Variants in EPC1 observed in about 807,000 individuals in gnomAD.
EPC1 encodes the protein enhancer of polycomb 1, also known as enhancer of polycomb homolog 1.
In EPC1, 12 loss-of-function variants were observed where a neutral mutation model predicts 98.4. That is an observed-to-expected ratio of 0.12 (90% CI 0.08 to 0.20). The LOEUF (loss-of-function observed/expected upper bound fraction) is 0.20, where lower values mean the gene tolerates loss of function less well. Ranked by LOEUF, EPC1 falls within the 10% of genes least tolerant of loss-of-function variation. EPC1 has a pLI of 1.00. For synonymous variants in EPC1, 357 were observed against 363.9 expected, an observed-to-expected ratio of 0.98 and a Z score of 0.21; for missense variants, 729 against 990.5, an observed-to-expected ratio of 0.74 and a Z score of 3.54.
At chr10:32,338,835 A>G (rs1592615152) in intron 1 of EPC1, among the ~76,000 whole-genome samples, 2 of 152,102 alleles carry the variant, frequency 1.3e-5, no homozygotes, top group Admixed American at 1.3e-4. Flanking sequence ...GCTACTCAGG[A>G]GGCTGAGGTG....
chr10:32,276,925 A>G (rs1413328041), intron 10 of EPC1, among the ~76,000 whole-genome samples: 1 of 152,208 alleles, frequency 6.6e-6, no homozygotes, highest in African/African-American at 2.4e-5. Context: ...AGATGACCAA[A>G]CCTACAGTCA....
At chr10:32,287,373 G>C in intron 6 of EPC1, 99 bp from the exon 7 acceptor site, 1 of 1,180,084 alleles carries the variant, frequency 8.5e-7, no homozygotes, top group Non-Finnish European at 1.2e-6. Context: ...GCTATAATGA[G>C]GGCATTCATA....
upstream of EPC1, among the ~76,000 whole-genome samples, chr10:32,347,724 T>TA (rs1838951377): frequency 6.6e-6 from 1 of 152,190 alleles, no homozygotes; most frequent in African/African-American, 2.4e-5. Context: ...CTTAGGTCTT[T>TA]ACGATAAAAA....
chr10:32,338,947 A>T (rs1486741548), intron 1 of EPC1, among the ~76,000 whole-genome samples: 1 of 48,274 alleles, frequency 2.1e-5, no homozygotes, highest in African/African-American at 3.7e-5. Context: ...CAAAAAAAAT[A>T]AATAAATAAA....
chr10:32,315,456 T>G (rs1836497955), intron 1 of EPC1, among the ~76,000 whole-genome samples: 1 of 152,200 alleles, frequency 6.6e-6, no homozygotes, highest in Non-Finnish European at 1.5e-5. Context: ...GACATAACAA[T>G]TAAGGCTACC....
intron 1 of EPC1, 160 bp downstream of exon 1, chr10:32,346,603 C>A (rs1838836551): frequency 1.4e-6 from 1 of 720,746 alleles, no homozygotes. Context: ...GGCCGGGGGT[C>A]GAGGCTGGGG....
At chr10:32,284,582 T>A in intron 10 of EPC1, 116 bp downstream of exon 10, 1 of 806,878 alleles carries the variant, frequency 1.2e-6, no homozygotes, top group East Asian at 2.7e-5. Context: ...TTTTTTTAAC[T>A]GTTTAAGAGA....
chr10:32,372,664 T>C (rs1412105329), intron 1 of EPC1, among the ~76,000 whole-genome samples: 1 of 152,228 alleles, frequency 6.6e-6, no homozygotes, highest in African/African-American at 2.4e-5. Context: ...AGGAAAACAC[T>C]GTTAGATTTA....
At chr10:32,343,647 TA>T (rs900512743) in intron 1 of EPC1, among the ~76,000 whole-genome samples, 96 of 143,942 alleles carry the variant, frequency 6.7e-4, no homozygotes, top group Admixed American at 3.3e-3. Context: ...CTACTACAAT[TA>T]AAAAAATAGA....
At chr10:32,347,546 T>TC (rs1171428679), upstream of EPC1, 1 of 151,240 alleles carries the variant, frequency 6.6e-6, no homozygotes, top group African/African-American at 2.4e-5. Context: ...CAGGCGGGGC[T>TC]CGGGCCCCGG....
At chr10:32,356,906 G>A (rs111558744) in intron 1 of EPC1, among the ~76,000 whole-genome samples, 2 of 152,140 alleles carry the variant, frequency 1.3e-5, no homozygotes, top group East Asian at 3.9e-4. Context: ...GCGTGAACCC[G>A]GGAGGCGGAG....
chr10:32,339,789 G>A (rs1838220820), intron 1 of EPC1, among the ~76,000 whole-genome samples: 1 of 152,152 alleles, frequency 6.6e-6, no homozygotes, highest in African/African-American at 2.4e-5. Context: ...TCACTCCTCA[G>A]AGCTATTTTG....
chr10:32,367,808 T>C (rs1014191605), intron 1 of EPC1, among the ~76,000 whole-genome samples: 1 of 152,264 alleles, frequency 6.6e-6, no homozygotes, highest in African/African-American at 2.4e-5. Flanking sequence ...GCCATTCTGC[T>C]GTTAGCCAGC....
intron 1 of EPC1, among the ~76,000 whole-genome samples, chr10:32,315,127 T>C (rs1457229762): frequency 1.3e-5 from 2 of 152,256 alleles, no homozygotes; most frequent in African/African-American, 4.8e-5. Flanking sequence ...CATGTACTAT[T>C]TGGGGACTGT....
intron 1 of EPC1, among the ~76,000 whole-genome samples, chr10:32,369,797 G>A (rs1418537118): frequency 6.6e-6 from 1 of 152,158 alleles, no homozygotes; most frequent in Non-Finnish European, 1.5e-5. Flanking sequence ...GAGTTACCAT[G>A]TTTAGAAGTT....
At chr10:32,332,208 A>G (rs745787619) in intron 1 of EPC1, among the ~76,000 whole-genome samples, 6 of 152,266 alleles carry the variant, frequency 3.9e-5, no homozygotes, top group Admixed American at 2.0e-4. Flanking sequence ...GAAAGGCTTC[A>G]TAACAGTTGA....
chr10:32,358,768 C>T (rs940539580), intron 1 of EPC1, among the ~76,000 whole-genome samples: 1 of 152,076 alleles, frequency 6.6e-6, no homozygotes, highest in African/African-American at 2.4e-5. Context: ...TTAGCTGCTT[C>T]ATCATCTGTC....
intron 1 of EPC1, among the ~76,000 whole-genome samples, chr10:32,310,785 A>G (rs1369449808): frequency 6.6e-6 from 1 of 151,972 alleles, no homozygotes; most frequent in African/African-American, 2.4e-5. Flanking sequence ...GAAGCAGGAG[A>G]ATTGTTTGAA....
chr10:32,308,385 C>CAA lies in EPC1; in HGVS notation c.154-2456_154-2455dup, dbSNP rs35441939. Among the ~76,000 whole-genome samples the CAA allele has an allele frequency of 9.5e-3, 1,416 of 148,274 alleles. 19 individuals are homozygous for CAA. The highest frequency in any genetic ancestry group is 0.032 in the African/African-American group (1,278 of 40,448). On this transcript the variant is annotated intron_variant, in intron 1 of 13. Coordinates refer to ENST00000319778, the MANE Select transcript of EPC1 (RefSeq NM_001272004.3). ...AGCCTGGGTAACTGAGCAACAGTCTCAAAAAAAAAAAGCATACACCAATGT... is the reference window on the plus strand; with the variant it reads ...AGCCTGGGTAACTGAGCAACAGTCTCAAAAAAAAAAAAAGCATACACCAATGT...
Sources: gnomAD v4.1 joint callset for allele counts (sites outside exome capture counted in the v4.1 genomes callset) on GRCh38, gnomAD v4.1.1 for gene constraint, MANE v1.5 for transcripts, NCBI Gene and HGNC (gene_info 2026-07-23, HGNC 2026-07-21) for gene names.